Variants in AKR1A1 observed in about 807,000 individuals in gnomAD.
The protein encoded by AKR1A1 is aldo-keto reductase family 1 member A1.
AKR1A1 carries 26 observed loss-of-function variants against 39.2 expected under a neutral mutation model. The ratio of observed to expected loss-of-function variants is 0.66; its 90% CI spans 0.49 to 0.92. AKR1A1 has a LOEUF of 0.92. AKR1A1 is among the 40% of genes least tolerant of loss of function. AKR1A1 has a pLI of 0.00. For synonymous variants in AKR1A1, 141 were observed against 155.5 expected, an observed-to-expected ratio of 0.91 and a Z score of 0.69; for missense variants, 378 against 406.5, an observed-to-expected ratio of 0.93 and a Z score of 0.60.
chr1:45,565,436 TA>T (rs576317086), intron 2 of AKR1A1, among the ~76,000 whole-genome samples: 7,258 of 148,730 alleles, frequency 0.049, 242 homozygotes, highest in Non-Finnish European at 0.071. Context: ...GGCTTTTATT[TA>T]AAAAAAAAAA....
rs138848013 is a variant in AKR1A1, at chr1:45,553,492, A to G, written c.-7+2337A>G. 5.1e-3 allele frequency among the ~76,000 whole-genome samples: 780 copies of G among 152,280 alleles called. 8 individuals are homozygous for G. The highest frequency in any genetic ancestry group is 0.017 in the African/African-American group (722 of 41,560). ...AGGTAGATATGGATGGACTAGAGAA[A>G]GATTTAGGAATATATATTTTAAAAT... On this transcript the variant is annotated intron_variant, in intron 1 of 8. Transcript: ENST00000351829.
At chr1:45,561,740 G>C (rs1369378786) in intron 1 of AKR1A1, 49 bp from the exon 2 acceptor site, 4 of 1,583,180 alleles carry the variant, frequency 2.5e-6, no homozygotes, top group South Asian at 2.2e-5. Flanking sequence ...TCTGAGACCT[G>C]AACAACAGCA....
intron 1 of AKR1A1, among the ~76,000 whole-genome samples, chr1:45,560,073 C>T (rs1460656456): frequency 3.3e-5 from 5 of 151,888 alleles, no homozygotes; most frequent in Non-Finnish European, 5.9e-5. Flanking sequence ...CTGCAACCTC[C>T]GCCTCCCGGG....
At chr1:45,558,777 G>A (rs577464005) in intron 1 of AKR1A1, among the ~76,000 whole-genome samples, 86 of 152,172 alleles carry the variant, frequency 5.7e-4, no homozygotes, top group Non-Finnish European at 1.0e-3. Context: ...GTGATCCGTC[G>A]CATCGGCCTT....
intron 4 of AKR1A1, 77 bp from the exon 5 acceptor site, chr1:45,567,905 A>G (rs1417098135): frequency 2.2e-6 from 3 of 1,371,636 alleles, no homozygotes; most frequent in Non-Finnish European, 2.0e-6. Flanking sequence ...AGTTTGGGAC[A>G]TAGAGTGGCT....
rs1330184016 is a variant in AKR1A1, at chr1:45,569,879, C to T, written c.913-12C>T. 1.2e-6 allele frequency: 2 copies of T among 1,613,322 alleles called. No individual in the cohort carries two copies. The highest frequency in any genetic ancestry group is 1.7e-5 in the Admixed American group (1 of 60,020). Reference sequence around the variant, plus strand: ...CCTGCTGATGGAGTAATCTATCTGTCTCTCTTTCCAGGTGGATGGGAAGAG... The same window carrying T: ...CCTGCTGATGGAGTAATCTATCTGTTTCTCTTTCCAGGTGGATGGGAAGAG... On this transcript the variant is annotated splice_polypyrimidine_tract_variant and intron_variant, in intron 8 of 8. Transcript: ENST00000351829.
At chr1:45,557,910 G>GTTTTTTTTTTT (rs1285024512) in intron 1 of AKR1A1, among the ~76,000 whole-genome samples, 7 of 64,226 alleles carry the variant, frequency 1.1e-4, no homozygotes, top group South Asian at 5.6e-4. Flanking sequence ...CTCACAACTT[G>GTTTTTTTTTTT]TCTTTTTTTT....
chr1:45,558,611 G>A (rs1237687483), intron 1 of AKR1A1, among the ~76,000 whole-genome samples: 1 of 151,866 alleles, frequency 6.6e-6, no homozygotes, highest in Non-Finnish European at 1.5e-5. Context: ...TGTTGGTCAG[G>A]CTGGTCTCGA....
At chr1:45,559,737 G>A (rs1334642810) in intron 1 of AKR1A1, among the ~76,000 whole-genome samples, 8 of 135,436 alleles carry the variant, frequency 5.9e-5, no homozygotes, top group South Asian at 5.0e-4. Context: ...TCCGCCTCCC[G>A]GGTTCAAGCA....
At chr1:45,560,278 G>A (rs921388794) in intron 1 of AKR1A1, among the ~76,000 whole-genome samples, 13 of 152,054 alleles carry the variant, frequency 8.5e-5, no homozygotes, top group South Asian at 2.1e-4. Context: ...GAGGCACAGC[G>A]CCCGGTCTAA....
In AKR1A1 at chr1:45,561,815, A is replaced by G; in HGVS notation, c.21A>G (p.Leu7=). ...GGGCAATGGCGGCTTCCTGTGTTCTACTGCACACTGGGCAGAAGATGCCTC... is the reference window on the plus strand; with the variant it reads ...GGGCAATGGCGGCTTCCTGTGTTCTGCTGCACACTGGGCAGAAGATGCCTC... MAASCV[L]LHTGQKMPLI... is the part of the protein sequence containing the mutation. Residue 7 remains leucine (L), a synonymous_variant, in exon 2 of 9, where the codon CTA becomes CTG. Transcript: ENST00000351829. 1 of 1,614,020 alleles carries G rather than the reference A, an allele frequency of 6.2e-7. No homozygotes were observed. Among genetic ancestry groups the G allele is most frequent in the Non-Finnish European group, 8.5e-7 (1 of 1,179,988 alleles).
At chr1:45,554,053 G>A (rs2148289091) in intron 1 of AKR1A1, among the ~76,000 whole-genome samples, 1 of 152,048 alleles carries the variant, frequency 6.6e-6, no homozygotes, top group Non-Finnish European at 1.5e-5. Flanking sequence ...TGTAATCCCA[G>A]CACTTTAGGA....
intron 2 of AKR1A1, among the ~76,000 whole-genome samples, chr1:45,565,467 T>C (rs1005274420): frequency 4.0e-5 from 6 of 150,428 alleles, no homozygotes; most frequent in Admixed American, 1.3e-4. Context: ...AATTTTTTGT[T>C]GTTATTTTTT....
intron 1 of AKR1A1, among the ~76,000 whole-genome samples, chr1:45,558,225 C>CTTATTA (rs900767951): frequency 3.3e-5 from 5 of 149,740 alleles, no homozygotes; most frequent in African/African-American, 1.2e-4. Flanking sequence ...CTCAACTTGT[C>CTTATTA]TTATTATTAT....
intron 8 of AKR1A1, among the ~76,000 whole-genome samples, chr1:45,569,575 T>C (rs1475045609): frequency 6.6e-6 from 1 of 152,100 alleles, no homozygotes; most frequent in Non-Finnish European, 1.5e-5. Flanking sequence ...CCAGAAGGCG[T>C]TGTTGACCTC....
intron 2 of AKR1A1, 100 bp downstream of exon 2, chr1:45,561,978 T>A: frequency 8.4e-7 from 1 of 1,193,036 alleles, no homozygotes; most frequent in Non-Finnish European, 1.2e-6. Flanking sequence ...GATGAGCCAG[T>A]GGGAAGAGAT....
At chr1:45,569,076 C>A in intron 7 of AKR1A1, 67 bp from the exon 8 acceptor site, 1 of 1,602,002 alleles carries the variant, frequency 6.2e-7, no homozygotes, top group Non-Finnish European at 8.6e-7. Flanking sequence ...GCTAAAAAGG[C>A]AGTGTTGTGG....
chr1:45,566,859 C>G lies in AKR1A1; in HGVS notation c.205-10C>G, dbSNP rs762760787. 1.9e-6 allele frequency: 3 copies of G among 1,613,422 alleles called. No individual in the cohort carries two copies. Among genetic ancestry groups the G allele is most frequent in the Non-Finnish European group, 2.5e-6 (3 of 1,179,610 alleles). On this transcript the variant is annotated splice_polypyrimidine_tract_variant and intron_variant, in intron 3 of 8. Coordinates refer to ENST00000351829, the MANE Select transcript of AKR1A1 (RefSeq NM_153326.3). ...GCTCTTCTCACTGTGGGCCCTGCCCCCTGCACTAGGCGGTGCCTCGGGAGG... is the reference window on the plus strand; with the variant it reads ...GCTCTTCTCACTGTGGGCCCTGCCCGCTGCACTAGGCGGTGCCTCGGGAGG...
chr1:45,559,464 G>C (rs956757727), intron 1 of AKR1A1, among the ~76,000 whole-genome samples: 1 of 151,926 alleles, frequency 6.6e-6, no homozygotes, highest in Non-Finnish European at 1.5e-5. Context: ...CTTAACTCTT[G>C]GGAATTCTTA....
Sources: gnomAD v4.1 joint callset for allele counts (sites outside exome capture counted in the v4.1 genomes callset) on GRCh38, gnomAD v4.1.1 for gene constraint, MANE v1.5 for transcripts, NCBI Gene and HGNC (gene_info 2026-07-23, HGNC 2026-07-21) for gene names.